Variants in NCMAP observed in about 807,000 individuals in gnomAD.
NCMAP encodes the protein noncompact myelin-associated protein.
NCMAP carries 8 observed loss-of-function variants against 7.8 expected under a neutral mutation model. The observed-to-expected ratio is 1.02, with a 90% CI of 0.60 to 1.84. The LOEUF (loss-of-function observed/expected upper bound fraction) is 1.84, where lower values mean the gene tolerates loss of function less well. Ranked by LOEUF, NCMAP falls within the 40% of genes most tolerant of loss-of-function variation. The pLI is 0.00. For missense variants in NCMAP, 112 were observed against 131.4 expected (o/e 0.85, Z 0.72); for synonymous variants, 41 against 52.9 (o/e 0.78, Z 0.98).
At chr1:24,579,039 G>A (rs920550094) in intron 1 of NCMAP, among the ~76,000 whole-genome samples, 8 of 152,086 alleles carry the variant, frequency 5.3e-5, no homozygotes, top group Middle Eastern at 3.2e-3. Context: ...GACTGTGCCC[G>A]GCAGCGCGGA....
At chr1:24,559,144 C>T (rs1483743834) in intron 1 of NCMAP, among the ~76,000 whole-genome samples, 1 of 152,196 alleles carries the variant, frequency 6.6e-6, no homozygotes. Flanking sequence ...ACTTTGCATG[C>T]TGCTGTCCAA....
At chr1:24,560,702 C>T (rs1240275859) in intron 1 of NCMAP, among the ~76,000 whole-genome samples, 1 of 151,944 alleles carries the variant, frequency 6.6e-6, no homozygotes, top group African/African-American at 2.4e-5. Flanking sequence ...TGTGATGGCA[C>T]CACTGCACTC....
In NCMAP at chr1:24,587,870, T is replaced by C. The variant is rs577160992; in HGVS notation, c.-7-7554T>C. ...CTTAGAAGAGGTAGCAGATTTACCT[T>C]TGTGGAGAGATAATTTGCACCAATA... On this transcript the variant is annotated intron_variant, in intron 1 of 3. Coordinates refer to ENST00000374392, the MANE Select transcript of NCMAP (RefSeq NM_001010980.5). Among the ~76,000 whole-genome samples, 5 of 152,270 alleles carry C rather than the reference T, an allele frequency of 3.3e-5. No individual in the cohort carries two copies. In the South Asian group the frequency reaches 1.0e-3, roughly 32 times the overall value.
chr1:24,604,388 A>C (rs1652611620), intron 3 of NCMAP, among the ~76,000 whole-genome samples: 1 of 151,064 alleles, frequency 6.6e-6, no homozygotes, highest in African/African-American at 2.4e-5. Context: ...CAGCCTGGGC[A>C]ACATAGTGAA....
chr1:24,583,573 A>T (rs1651797233), intron 1 of NCMAP, among the ~76,000 whole-genome samples: 1 of 152,042 alleles, frequency 6.6e-6, no homozygotes, highest in South Asian at 2.1e-4. Context: ...AAAATTAGCT[A>T]GGTGTGGTGG....
chr1:24,586,849 TG>T (rs112689334), intron 1 of NCMAP, among the ~76,000 whole-genome samples: 5,373 of 151,910 alleles, frequency 0.035, 306 homozygotes, highest in African/African-American at 0.12. Flanking sequence ...GAAAAAGAGT[TG>T]GGGGCCATCT....
intron 1 of NCMAP, among the ~76,000 whole-genome samples, chr1:24,561,810 C>T (rs897082544): frequency 6.6e-6 from 1 of 151,170 alleles, no homozygotes; most frequent in African/African-American, 2.4e-5. Context: ...CTTGGGATGC[C>T]GAGGGAGGAG....
chr1:24,594,602 C>A (rs1652156206), intron 1 of NCMAP, among the ~76,000 whole-genome samples: 1 of 152,218 alleles, frequency 6.6e-6, no homozygotes, highest in South Asian at 2.1e-4. Context: ...CTTTGTGCAA[C>A]CCAGCCTTTG....
chr1:24,584,707 A>G (rs1306376791), intron 1 of NCMAP, among the ~76,000 whole-genome samples: 1 of 152,054 alleles, frequency 6.6e-6, no homozygotes, highest in Admixed American at 6.6e-5. Flanking sequence ...TGCCCAGTAC[A>G]TGTGATTGAA....
intron 1 of NCMAP, among the ~76,000 whole-genome samples, chr1:24,577,401 GTTTTTTTTTTTTTTT>G (rs71577720): frequency 5.0e-4 from 20 of 39,966 alleles, no homozygotes; most frequent in African/African-American, 1.3e-3. Flanking sequence ...CACTGGCCTT[GTTTTTTTTTTTTTTT>G]TTTTTTTTTT....
intron 1 of NCMAP, among the ~76,000 whole-genome samples, chr1:24,556,980 TCA>T (rs1406887009): frequency 6.6e-6 from 1 of 152,154 alleles, no homozygotes; most frequent in African/African-American, 2.4e-5. Context: ...TCTCTATGTT[TCA>T]GTTTGATGTG....
chr1:24,571,269 G>T (rs1258006521), intron 1 of NCMAP, among the ~76,000 whole-genome samples: 1 of 150,584 alleles, frequency 6.6e-6, no homozygotes, highest in East Asian at 1.9e-4. Context: ...GGGGTCAGGA[G>T]TTCAAGACCA....
chr1:24,573,231 CA>C (rs2148928353), intron 1 of NCMAP, among the ~76,000 whole-genome samples: 1 of 150,970 alleles, frequency 6.6e-6, no homozygotes, highest in South Asian at 2.1e-4. Flanking sequence ...GGCTCAAACA[CA>C]GACCCCTGAG....
At chr1:24,571,367 C>G (rs1651384943) in intron 1 of NCMAP, among the ~76,000 whole-genome samples, 1 of 149,360 alleles carries the variant, frequency 6.7e-6, no homozygotes, top group Admixed American at 6.6e-5. Flanking sequence ...CCTAGCTACT[C>G]AAGAGGTTGA....
At chr1:24,574,062 C>T (rs1420528615) in intron 1 of NCMAP, among the ~76,000 whole-genome samples, 2 of 149,918 alleles carry the variant, frequency 1.3e-5, no homozygotes. Flanking sequence ...GCCCCCTGGC[C>T]CTTGGACTCC....
Position 24,563,259 on chromosome 1 carries a change from C to T in NCMAP, c.-8+7090C>T, listed in dbSNP as rs549968986. 4.0e-5 allele frequency among the ~76,000 whole-genome samples: 6 copies of T among 151,096 alleles called. No homozygotes were observed. In the East Asian group the frequency reaches 5.8e-4, roughly 15 times the overall value. ...TGACTTGGCCGGGCAAGGTGGCTTG[C>T]GCCTGTAATCCCAGCAATTTGGGAG... On this transcript the variant is annotated intron_variant, in intron 1 of 3. Transcript: ENST00000374392.
intron 1 of NCMAP, among the ~76,000 whole-genome samples, chr1:24,559,237 G>T (rs1266081183): frequency 6.6e-6 from 1 of 152,076 alleles, no homozygotes; most frequent in African/African-American, 2.4e-5. Context: ...TCCCCTATCG[G>T]TTTCCCCATC....
intron 1 of NCMAP, among the ~76,000 whole-genome samples, chr1:24,592,700 T>C (rs1031722802): frequency 6.6e-6 from 1 of 151,362 alleles, no homozygotes; most frequent in Non-Finnish European, 1.5e-5. Context: ...AGGTGGATCA[T>C]GAGGTCAGGA....
chr1:24,598,319 G>T (rs192764052), intron 2 of NCMAP, among the ~76,000 whole-genome samples: 1 of 152,010 alleles, frequency 6.6e-6, no homozygotes, highest in Non-Finnish European at 1.5e-5. Context: ...ACATACCTGC[G>T]CAACCAGTCC....
Sources: gnomAD v4.1 joint callset for allele counts (sites outside exome capture counted in the v4.1 genomes callset) on GRCh38, gnomAD v4.1.1 for gene constraint, MANE v1.5 for transcripts, NCBI Gene and HGNC (gene_info 2026-07-23, HGNC 2026-07-21) for gene names.